The following KCNIP3 variants were observed in gnomAD, a reference collection of about 807,000 sequenced individuals.
The protein encoded by KCNIP3 is potassium voltage-gated channel interacting protein 3.
A neutral mutation model predicts 35.0 loss-of-function variants in KCNIP3; 28 were observed. The ratio of observed to expected loss-of-function variants is 0.80; its 90% CI spans 0.59 to 1.10. KCNIP3 has a LOEUF of 1.10. Ranked by LOEUF, KCNIP3 falls within the 50% of genes least tolerant of loss-of-function variation. The pLI, the probability that KCNIP3 is intolerant of heterozygous loss-of-function variation, is 0.00. For missense variants in KCNIP3, 295 were observed against 338.4 expected (o/e 0.87, Z 1.01); for synonymous variants, 134 against 133.8 (o/e 1.00, Z -0.01).
intron 2 of KCNIP3, among the ~76,000 whole-genome samples, chr2:95,347,697 C>T (rs766623407): frequency 5.9e-5 from 9 of 152,374 alleles, no homozygotes; most frequent in Non-Finnish European, 1.2e-4. Context: ...ACTGACGGCC[C>T]CCTGGGGCCC....
intron 2 of KCNIP3, among the ~76,000 whole-genome samples, chr2:95,357,846 G>C (rs1177403594): frequency 6.6e-6 from 1 of 152,232 alleles, no homozygotes; most frequent in Non-Finnish European, 1.5e-5. Flanking sequence ...CCTTGCTGTG[G>C]CTGGAGCTGG....
chr2:95,344,665 C>G (rs1187685857), intron 2 of KCNIP3, among the ~76,000 whole-genome samples: 1 of 152,216 alleles, frequency 6.6e-6, no homozygotes, highest in Non-Finnish European at 1.5e-5. Flanking sequence ...GCCTCCTTTG[C>G]ATGCTCAGTT....
At chr2:95,356,818 C>G (rs551640866) in intron 2 of KCNIP3, among the ~76,000 whole-genome samples, 1 of 152,192 alleles carries the variant, frequency 6.6e-6, no homozygotes, top group Non-Finnish European at 1.5e-5. Context: ...AGTGTACATT[C>G]GCTTTACTTC....
chr2:95,310,791 A>G (rs1408022882), intron 2 of KCNIP3: 4 of 485,896 alleles, frequency 8.2e-6, no homozygotes, highest in Non-Finnish European at 1.5e-5. Flanking sequence ...CTAGGAAGAC[A>G]GAGCCAGGCT....
Position 95,374,352 on chromosome 2 carries a change from G to T in KCNIP3, c.238G>T (p.Asp80Tyr). ...GGTGCGCCACCAGCCAGAGGGGCTG[G>T]ACCAGCTGCAGGCCCAGACCAAGTT... Reference protein sequence around the residue: ...STVRHQPEGLDQLQAQTKFTK... With the variant: ...STVRHQPEGLYQLQAQTKFTK... The change falls in exon 3 of 9, where the codon GAC becomes TAC. Residue 80 changes from aspartate (D) to tyrosine (Y), a missense_variant. Coordinates refer to ENST00000295225, the MANE Select transcript of KCNIP3 (RefSeq NM_013434.5). The T allele has an allele frequency of 6.2e-7, 1 of 1,614,162 alleles. No homozygotes were observed. The highest frequency in any genetic ancestry group is 8.5e-7 in the Non-Finnish European group (1 of 1,180,004).
chr2:95,372,243 G>A (rs1219265658), intron 2 of KCNIP3, among the ~76,000 whole-genome samples: 1 of 152,100 alleles, frequency 6.6e-6, no homozygotes, highest in African/African-American at 2.4e-5. Flanking sequence ...ACGCTGCTGT[G>A]TGTACATCTG....
intron 2 of KCNIP3, among the ~76,000 whole-genome samples, chr2:95,324,638 C>T (rs1474920676): frequency 6.6e-6 from 1 of 151,928 alleles, no homozygotes; most frequent in Non-Finnish European, 1.5e-5. Context: ...TTTGGCCTGG[C>T]ATGGTGGCTC....
chr2:95,359,948 C>G (rs1679751028), intron 2 of KCNIP3, among the ~76,000 whole-genome samples: 1 of 152,244 alleles, frequency 6.6e-6, no homozygotes, highest in Non-Finnish European at 1.5e-5. Flanking sequence ...AAACCATTCT[C>G]CCTTCCTAGA....
In KCNIP3 at chr2:95,381,677, A is replaced by G; in HGVS notation, c.529A>G (p.Asn177Asp). ...GTGGGCCTTTAATCTCTACGACATTAACAAGGATGGCTACATCACCAAAGA... is the reference window on the plus strand; with the variant it reads ...GTGGGCCTTTAATCTCTACGACATTGACAAGGATGGCTACATCACCAAAGA... ...LKWAFNLYDI[N>D]KDGYITKEEM... Residue 177 changes from asparagine to aspartate, a missense_variant, in exon 6 of 9, where the codon AAC (asparagine) becomes GAC (aspartate). Asn to Asp is a conservative substitution (Grantham distance 23). Coordinates refer to ENST00000295225, the MANE Select transcript of KCNIP3 (RefSeq NM_013434.5). 1 of 1,613,858 alleles carries G rather than the reference A, an allele frequency of 6.2e-7. No individual in the cohort carries two copies. The highest frequency in any genetic ancestry group is 1.1e-5 in the South Asian group (1 of 91,066).
At chr2:95,339,079 C>T (rs1385206700) in intron 2 of KCNIP3, among the ~76,000 whole-genome samples, 10 of 152,150 alleles carry the variant, frequency 6.6e-5, no homozygotes, top group Admixed American at 3.9e-4. Flanking sequence ...CTTGACTCAG[C>T]GGGTGGAGGA....
At chr2:95,350,025 G>A (rs1326714079) in intron 2 of KCNIP3, among the ~76,000 whole-genome samples, 1 of 152,170 alleles carries the variant, frequency 6.6e-6, no homozygotes, top group African/African-American at 2.4e-5. Context: ...TGAAATTATG[G>A]GCAAGATTAT....
intron 2 of KCNIP3, among the ~76,000 whole-genome samples, chr2:95,326,069 T>G (rs1678768307): frequency 6.9e-6 from 1 of 145,474 alleles, no homozygotes; most frequent in Non-Finnish European, 1.5e-5. Context: ...ACACATTCAC[T>G]CATACTAACA....
intron 2 of KCNIP3, among the ~76,000 whole-genome samples, chr2:95,335,137 T>G (rs770040965): frequency 6.6e-6 from 1 of 152,246 alleles, no homozygotes; most frequent in Non-Finnish European, 1.5e-5. Context: ...TTCAGATCAC[T>G]GGTCCTGACT....
intron 2 of KCNIP3, chr2:95,310,794 G>A (rs1470063829): frequency 6.2e-6 from 3 of 480,080 alleles, no homozygotes; most frequent in African/African-American, 3.9e-5. Flanking sequence ...GGAAGACAGA[G>A]CCAGGCTGCA....
chr2:95,350,659 C>T (rs1679492190), intron 2 of KCNIP3, among the ~76,000 whole-genome samples: 1 of 152,100 alleles, frequency 6.6e-6, no homozygotes, highest in South Asian at 2.1e-4. Flanking sequence ...TGCTCGGTGT[C>T]ATCAGGGTAA....
intron 8 of KCNIP3, 75 bp from the exon 9 acceptor site, chr2:95,383,927 G>A: frequency 7.8e-7 from 1 of 1,279,570 alleles, no homozygotes; most frequent in Non-Finnish European, 1.1e-6. Flanking sequence ...CGAGTCCCTG[G>A]CGGGAATCTG....
intron 1 of KCNIP3, among the ~76,000 whole-genome samples, chr2:95,301,280 G>T (rs1016356462): frequency 1.1e-4 from 16 of 152,368 alleles, no homozygotes; most frequent in African/African-American, 3.6e-4. Flanking sequence ...CAGGGCCACT[G>T]CCAGCAGTGC....
At position 95,348,625 on chromosome 2, in the gene KCNIP3, T is replaced by G. The variant is rs187684013; in HGVS notation, c.182-25671T>G. Among the ~76,000 whole-genome samples the G allele has an allele frequency of 3.3e-5, 5 of 152,304 alleles. No homozygotes were observed. The East Asian group carries it at 9.7e-4, about 29-fold the overall frequency. On this transcript the variant is annotated intron_variant, in intron 2 of 8. Coordinates refer to ENST00000295225, the MANE Select transcript of KCNIP3 (RefSeq NM_013434.5). Reference sequence around the variant, plus strand: ...TCGGGGGCAGTGTGAGGTTTGCCTTTGTGATTTCTGAGGAGGTTTCTTTGC... The same window carrying G: ...TCGGGGGCAGTGTGAGGTTTGCCTTGGTGATTTCTGAGGAGGTTTCTTTGC...
intron 2 of KCNIP3, among the ~76,000 whole-genome samples, chr2:95,326,173 A>G (rs1049752323): frequency 1.3e-5 from 2 of 151,772 alleles, no homozygotes; most frequent in African/African-American, 4.8e-5. Flanking sequence ...TCATATACAC[A>G]TATACACAGT....
Sources: allele counts gnomAD v4.1 joint callset (sites outside exome capture counted in the v4.1 genomes callset), GRCh38; gene constraint gnomAD v4.1.1; transcripts MANE v1.5; gene names NCBI Gene and HGNC (gene_info 2026-07-23, HGNC 2026-07-21).